TIAM1: variants seen among roughly 807,000 people sequenced by gnomAD.
The protein encoded by TIAM1 is rho guanine nucleotide exchange factor TIAM1.
TIAM1 carries 65 observed loss-of-function variants against 163.5 expected under a neutral mutation model. That is an observed-to-expected ratio of 0.40 (90% confidence interval 0.33 to 0.49). The LOEUF is 0.49. TIAM1 is among the 20% of genes least tolerant of loss of function. The pLI, the probability that TIAM1 is intolerant of heterozygous loss-of-function variation, is 0.77. For synonymous variants in TIAM1, 833 were observed against 810.1 expected, an observed-to-expected ratio of 1.03 and a Z score of -0.48; for missense variants, 1,789 against 2,044.7, an observed-to-expected ratio of 0.87 and a Z score of 2.41.
intron 2 of TIAM1, among the ~76,000 whole-genome samples, chr21:31,333,824 A>G (rs1055521179): frequency 6.6e-6 from 1 of 152,030 alleles, no homozygotes; most frequent in African/African-American, 2.4e-5. Flanking sequence ...GATATTCTAC[A>G]CTGTATCCCA....
intron 1 of TIAM1, among the ~76,000 whole-genome samples, chr21:31,475,508 T>G (rs1451600527): frequency 6.6e-6 from 1 of 152,212 alleles, no homozygotes; most frequent in Non-Finnish European, 1.5e-5. Context: ...TCTTCATCTC[T>G]TCCCCTTCCT....
intron 3 of TIAM1, among the ~76,000 whole-genome samples, chr21:31,267,267 G>A (rs2072830973): frequency 6.6e-6 from 1 of 152,186 alleles, no homozygotes; most frequent in South Asian, 2.1e-4. Flanking sequence ...CCAGAGAGAA[G>A]ATGGCCACAG....
chr21:31,265,357 G>A (rs1239502019), intron 4 of TIAM1, among the ~76,000 whole-genome samples: 2 of 151,848 alleles, frequency 1.3e-5, no homozygotes, highest in Non-Finnish European at 2.9e-5. Context: ...ATGACTAGAA[G>A]TCAGGGTTTG....
At chr21:31,390,875 A>C (rs2076954403) in intron 2 of TIAM1, among the ~76,000 whole-genome samples, 1 of 152,122 alleles carries the variant, frequency 6.6e-6, no homozygotes, top group Non-Finnish European at 1.5e-5. Flanking sequence ...GAAAGTGACG[A>C]CTAGCTTTTC....
At chr21:31,506,624 T>G (rs2047037803) in intron 1 of TIAM1, among the ~76,000 whole-genome samples, 1 of 152,204 alleles carries the variant, frequency 6.6e-6, no homozygotes, top group Non-Finnish European at 1.5e-5. Context: ...TGTCAGAATT[T>G]CCTTCCTTTT....
intron 2 of TIAM1, among the ~76,000 whole-genome samples, chr21:31,431,149 C>T (rs2044014474): frequency 6.6e-6 from 1 of 152,180 alleles, no homozygotes. Context: ...GGAAGAACAA[C>T]CACTCATCAT....
chr21:31,252,451 G>A (rs1003384654), intron 4 of TIAM1, among the ~76,000 whole-genome samples: 4 of 152,102 alleles, frequency 2.6e-5, no homozygotes, highest in Non-Finnish European at 2.9e-5. Context: ...AAAGAAATAA[G>A]GAGCACTTCA....
intron 5 of TIAM1, among the ~76,000 whole-genome samples, chr21:31,246,045 C>T (rs764521433): frequency 6.6e-6 from 1 of 152,092 alleles, no homozygotes; most frequent in South Asian, 2.1e-4. Context: ...AAGTCACTAC[C>T]GTCCGATTGA....
intron 2 of TIAM1, among the ~76,000 whole-genome samples, chr21:31,289,076 T>C (rs2073918460): frequency 6.6e-6 from 1 of 152,228 alleles, no homozygotes; most frequent in Non-Finnish European, 1.5e-5. Flanking sequence ...TAAATAAGCA[T>C]GCCCAAGTGC....
At chr21:31,327,313 A>AT (rs1343329515) in intron 2 of TIAM1, among the ~76,000 whole-genome samples, 3 of 152,182 alleles carry the variant, frequency 2.0e-5, no homozygotes, top group Admixed American at 1.3e-4. Context: ...CCCTTATAGG[A>AT]TAAAAAGTCC....
chr21:31,128,922 T>C (rs1182288404), intron 25 of TIAM1, among the ~76,000 whole-genome samples: 1 of 152,114 alleles, frequency 6.6e-6, no homozygotes, highest in African/African-American at 2.4e-5. Flanking sequence ...GTGGGTTGGT[T>C]TTCTGAGGAT....
chr21:31,512,026 C>T (rs990680296), intron 1 of TIAM1, among the ~76,000 whole-genome samples: 6 of 152,160 alleles, frequency 3.9e-5, no homozygotes, highest in Non-Finnish European at 7.4e-5. Flanking sequence ...CACACAAAAA[C>T]GTTGACAAGA....
chr21:31,210,663 A>AGGG lies in TIAM1; in HGVS notation c.2218-449_2218-448insCCC. The stretch of plus-strand genomic sequence containing the variant: ...AAAGAAAGAAAGAAAGAAAGAAAGA[A>AGGG]AGAAAAAGAAAGAAAGAAAGAAAAA... On this transcript the variant is annotated intron_variant, in intron 10 of 27. Transcript: ENST00000541036. 3.3e-3 allele frequency among the ~76,000 whole-genome samples: 65 copies of AGGG among 19,940 alleles called. 2 individuals carry two copies. Among genetic ancestry groups the AGGG allele is most frequent in the African/African-American group, 0.016 (61 of 3,812 alleles). The allele number at this position is 19,940 out of a possible 152,430, so 13.1% of individuals were successfully genotyped here. A position where few individuals can be genotyped will look rare whatever the true frequency, so the allele number is the denominator to read the frequency against.
chr21:31,131,454 T>C (rs1037472980), intron 23 of TIAM1, among the ~76,000 whole-genome samples: 5 of 152,216 alleles, frequency 3.3e-5, no homozygotes, highest in Non-Finnish European at 7.3e-5. Flanking sequence ...AGAATTCAAC[T>C]GTATGTCTTC....
chr21:31,175,308 G>A (rs1321512731), intron 15 of TIAM1, among the ~76,000 whole-genome samples: 3 of 152,124 alleles, frequency 2.0e-5, no homozygotes, highest in African/African-American at 4.8e-5. Flanking sequence ...CACCTGCTTC[G>A]CCCCAACTGG....
At chr21:31,517,960 TA>T (rs1449783897) in intron 1 of TIAM1, among the ~76,000 whole-genome samples, 1 of 152,220 alleles carries the variant, frequency 6.6e-6, no homozygotes, top group Non-Finnish European at 1.5e-5. Flanking sequence ...TTCAAACAAG[TA>T]TATGAGCTCT....
chr21:31,233,857 C>A (rs1478194200), intron 6 of TIAM1, among the ~76,000 whole-genome samples: 2 of 152,190 alleles, frequency 1.3e-5, no homozygotes, highest in Non-Finnish European at 2.9e-5. Context: ...AAAACAGGGA[C>A]CGTGCGCTGC....
Position 31,194,818 on chromosome 21 carries a change from G to C in TIAM1, c.2575+406C>G, listed in dbSNP as rs1048236156. 2.6e-5 allele frequency among the ~76,000 whole-genome samples: 4 copies of C among 152,058 alleles called. No individual in the cohort carries two copies. In the South Asian group the frequency reaches 8.3e-4, roughly 32 times the overall value. On this transcript the variant is annotated intron_variant, in intron 13 of 27. Transcript: ENST00000541036. ...TCTTCCACTGTTCTGTTTCCTTGTC[G>C]CCAACTTACAAACATCACTGTTCTG...
chr21:31,384,441 G>A (rs2076832089), intron 2 of TIAM1, among the ~76,000 whole-genome samples: 1 of 151,820 alleles, frequency 6.6e-6, no homozygotes. Context: ...CTGGCATGGT[G>A]GCACGCATTA....
Sources: allele counts gnomAD v4.1 joint callset (sites outside exome capture counted in the v4.1 genomes callset), GRCh38; gene constraint gnomAD v4.1.1; transcripts MANE v1.5; gene names NCBI Gene and HGNC (gene_info 2026-07-23, HGNC 2026-07-21).